Variants in NRXN3 observed in about 807,000 individuals in gnomAD.
NRXN3 encodes neurexin III.
NRXN3 carries 32 observed loss-of-function variants against 137.6 expected under a neutral mutation model. The ratio of observed to expected loss-of-function variants is 0.23; its 90% CI spans 0.18 to 0.31. The LOEUF is 0.31. NRXN3 is among the 10% of genes least tolerant of loss of function. The pLI is 1.00. For synonymous variants in NRXN3, 798 were observed against 784.5 expected, an observed-to-expected ratio of 1.02 and a Z score of -0.29; for missense variants, 1,574 against 2,062.5, an observed-to-expected ratio of 0.76 and a Z score of 4.59.
intron 16 of NRXN3, among the ~76,000 whole-genome samples, chr14:79,611,068 G>A (rs1374033244): frequency 1.3e-5 from 2 of 152,140 alleles, no homozygotes; most frequent in East Asian, 1.9e-4. Flanking sequence ...GATGGAATGC[G>A]TCAACTTTTG....
At chr14:78,691,211 A>G (rs1020316738) in intron 6 of NRXN3, among the ~76,000 whole-genome samples, 1 of 152,186 alleles carries the variant, frequency 6.6e-6, no homozygotes, top group African/African-American at 2.4e-5. Flanking sequence ...CATCAGTAAT[A>G]TTATTTTAGA....
chr14:78,930,885 G>A (rs1200245089), intron 10 of NRXN3, among the ~76,000 whole-genome samples: 2 of 152,128 alleles, frequency 1.3e-5, no homozygotes, highest in African/African-American at 4.8e-5. Flanking sequence ...CAGAGCTCCA[G>A]GGCATGTAGT....
chr14:78,325,403 A>G (rs543377565), intron 4 of NRXN3, among the ~76,000 whole-genome samples: 33 of 152,124 alleles, frequency 2.2e-4, no homozygotes, highest in Non-Finnish European at 4.4e-4. Context: ...CACTGTGCAC[A>G]TTTGCATTCT....
chr14:78,247,725 CCTCA>C (rs1165158424), intron 2 of NRXN3, among the ~76,000 whole-genome samples: 2 of 152,168 alleles, frequency 1.3e-5, no homozygotes, highest in Non-Finnish European at 2.9e-5. Flanking sequence ...GAAGAGGTAT[CCTCA>C]CTCCCTCCAG....
At chr14:78,688,099 G>A (rs963957636) in intron 6 of NRXN3, among the ~76,000 whole-genome samples, 6 of 152,232 alleles carry the variant, frequency 3.9e-5, no homozygotes, top group East Asian at 1.9e-4. Context: ...TCTTAAGATC[G>A]GAGAAAATCT....
chr14:78,598,272 T>C (rs915689025), intron 4 of NRXN3, among the ~76,000 whole-genome samples: 23 of 151,950 alleles, frequency 1.5e-4, no homozygotes, highest in Non-Finnish European at 1.5e-5. Flanking sequence ...AGACTTGGCT[T>C]GGTGGTGCCG....
chr14:78,467,705 T>A (rs1483268409), intron 4 of NRXN3, among the ~76,000 whole-genome samples: 1 of 152,240 alleles, frequency 6.6e-6, no homozygotes, highest in African/African-American at 2.4e-5. Context: ...ACTGTAGACA[T>A]GCATGCAAGT....
At position 78,831,534 on chromosome 14, in the gene NRXN3, CAAAAAAAAA is replaced by C. The variant is rs372852083; in HGVS notation, c.2275+21209_2275+21217del. The stretch of plus-strand genomic sequence containing the variant: ...TGGGTGACAGAGGGAGACTCCATGT[CAAAAAAAAA>C]AAAAAAAAAAAAAAAAAACAACAAC... On this transcript the variant is annotated intron_variant, in intron 10 of 20. Coordinates refer to ENST00000335750, the MANE Select transcript of NRXN3 (RefSeq NM_001330195.2). 8.6e-5 allele frequency among the ~76,000 whole-genome samples: 5 copies of C among 58,200 alleles called. 1 individual carries two copies. The highest frequency in any genetic ancestry group is 5.6e-4 in the Admixed American group (2 of 3,580). The allele number at this position is 58,200 out of a possible 152,430, so 38.2% of individuals were successfully genotyped here.
At chr14:78,652,642 A>G (rs17108027) in intron 6 of NRXN3, among the ~76,000 whole-genome samples, 21,640 of 152,254 alleles carry the variant, frequency 0.14, 2,050 homozygotes, top group African/African-American at 0.27. Flanking sequence ...AATTTGTTGA[A>G]CATCATTTGT....
intron 15 of NRXN3, among the ~76,000 whole-genome samples, chr14:78,996,781 G>A (rs977343229): frequency 6.6e-6 from 1 of 152,124 alleles, no homozygotes; most frequent in Non-Finnish European, 1.5e-5. Context: ...AGGCGAGACA[G>A]ATGCAAAAGA....
chr14:78,858,806 C>T (rs184812815), intron 10 of NRXN3, among the ~76,000 whole-genome samples: 3 of 152,222 alleles, frequency 2.0e-5, no homozygotes, highest in Admixed American at 6.5e-5. Context: ...CCTGGTGGAA[C>T]CACAACAAAT....
At chr14:78,261,690 A>T (rs1420048846) in intron 2 of NRXN3, among the ~76,000 whole-genome samples, 1 of 152,186 alleles carries the variant, frequency 6.6e-6, no homozygotes, top group East Asian at 1.9e-4. Context: ...CCTCTTAAGC[A>T]TCACAATCCA....
chr14:79,618,048 A>G (rs1437574774), intron 16 of NRXN3, among the ~76,000 whole-genome samples: 1 of 151,842 alleles, frequency 6.6e-6, no homozygotes, highest in Admixed American at 6.6e-5. Context: ...TCTGCTGTTT[A>G]CTTGGGTTTT....
At chr14:78,541,248 A>T (rs1431303143) in intron 4 of NRXN3, among the ~76,000 whole-genome samples, 3 of 152,142 alleles carry the variant, frequency 2.0e-5, no homozygotes, top group Admixed American at 2.0e-4. Context: ...CTTTCAGGGA[A>T]ACCAATCAGA....
chr14:79,810,461 G>A (rs2099227923), intron 20 of NRXN3, among the ~76,000 whole-genome samples: 1 of 152,186 alleles, frequency 6.6e-6, no homozygotes. Flanking sequence ...TGGTTGGGAA[G>A]GAGATGTTTA....
At chr14:78,258,797 T>G (rs1299432678) in intron 2 of NRXN3, among the ~76,000 whole-genome samples, 1 of 152,218 alleles carries the variant, frequency 6.6e-6, no homozygotes, top group Non-Finnish European at 1.5e-5. Flanking sequence ...CTATTCATGT[T>G]GGTTTTTCTT....
At chr14:78,490,476 A>G (rs978003683) in intron 4 of NRXN3, among the ~76,000 whole-genome samples, 3 of 152,214 alleles carry the variant, frequency 2.0e-5, no homozygotes, top group Admixed American at 6.5e-5. Context: ...GTACCCATGT[A>G]TGAATCTTTT....
intron 15 of NRXN3, among the ~76,000 whole-genome samples, chr14:79,338,382 T>A (rs988576475): frequency 6.6e-6 from 1 of 152,100 alleles, no homozygotes; most frequent in African/African-American, 2.4e-5. Flanking sequence ...TTTTCAAGAA[T>A]AATATAACAT....
At chr14:79,431,956 T>G (rs2153554226) in intron 15 of NRXN3, among the ~76,000 whole-genome samples, 1 of 152,256 alleles carries the variant, frequency 6.6e-6, no homozygotes, top group South Asian at 2.1e-4. Flanking sequence ...ATCCTTGCTT[T>G]TCTCCCTACT....
Sources: allele counts gnomAD v4.1 joint callset (sites outside exome capture counted in the v4.1 genomes callset), GRCh38; gene constraint gnomAD v4.1.1; transcripts MANE v1.5; gene names NCBI Gene and HGNC (gene_info 2026-07-23, HGNC 2026-07-21).